PCDHB16: variants seen among roughly 807,000 people sequenced by gnomAD.
PCDHB16 encodes the protein protocadherin beta-16.
For synonymous variants in PCDHB16, 444 were observed against 436.5 expected, an observed-to-expected ratio of 1.02 and a Z score of -0.21; for missense variants, 1,026 against 989.9, an observed-to-expected ratio of 1.04 and a Z score of -0.49.
Position 141,184,231 on chromosome 5 carries a change from T to C in PCDHB16, c.1672T>C (p.Ser558Pro). 1 of 1,574,534 alleles carries C rather than the reference T, an allele frequency of 6.4e-7. No homozygotes were observed. The highest frequency in any genetic ancestry group is 1.5e-5 in the African/African-American group (1 of 68,420). The change falls in exon 1 of 1, where the codon TCG becomes CCG. Residue 558 changes from serine to proline, a missense_variant. Physicochemically the swap from Ser to Pro is moderately conservative, Grantham distance 74 (BLOSUM62 -1). Transcript: ENST00000609684. Reference protein sequence around the residue: ...RVLVLDANDNSPFVLYPLQNG... With the variant: ...RVLVLDANDNPPFVLYPLQNG... Reference sequence around the variant, plus strand: ...GCTGGTGCTGGACGCCAACGACAACTCGCCCTTCGTGCTGTACCCGCTGCA... The same window carrying C: ...GCTGGTGCTGGACGCCAACGACAACCCGCCCTTCGTGCTGTACCCGCTGCA...
chr5:141,184,781 G>T lies in PCDHB16; in HGVS notation c.2222G>T (p.Gly741Val). The T allele has an allele frequency of 6.2e-7, 1 of 1,614,228 alleles. No homozygotes were observed. Residue 741 changes from glycine to valine, a missense_variant, in exon 1 of 1, where the codon GGC becomes GTC. Physicochemically the swap from Gly to Val is moderately radical, Grantham distance 109. Transcript: ENST00000609684. Reference sequence around the variant, plus strand: ...CCAGGGCGTCTGGTGGACGTAAGCGGCACCGGGACCCTGTCCCAGAGCTAC... The same window carrying T: ...CCAGGGCGTCTGGTGGACGTAAGCGTCACCGGGACCCTGTCCCAGAGCTAC... ...PFPGRLVDVS[G>V]TGTLSQSYQY...
In PCDHB16 at chr5:141,183,816, C is replaced by T. The variant is rs868929612; in HGVS notation, c.1257C>T (p.Ile419=). 1.2e-6 allele frequency: 2 copies of T among 1,614,208 alleles called. No individual in the cohort carries two copies. Among genetic ancestry groups the T allele is most frequent in the Non-Finnish European group, 1.7e-6 (2 of 1,180,030 alleles). Residue 419 remains isoleucine, a synonymous_variant, in exon 1 of 1, where the codon ATC becomes ATT. Transcript: ENST00000609684. ...LDREARAEYN[I]TLTVTDMGTP... ...GAGAAGCAAGAGCTGAATATAATAT[C>T]ACCCTCACCGTCACAGATATGGGGA... is the stretch of plus-strand genomic sequence containing the variant.
At position 141,186,212 on chromosome 5, in the gene PCDHB16, G is replaced by T; in HGVS notation, c.*1322G>T. 1 of 990,422 alleles carries T rather than the reference G, an allele frequency of 1.0e-6. No homozygotes were observed. Among genetic ancestry groups the T allele is most frequent in the Non-Finnish European group, 1.2e-6 (1 of 821,532 alleles). 61.4% of individuals were successfully genotyped at this position (990,422 alleles called of 1,614,324 possible). ...ATTAGGCCTTTGAATAAAATTCTAT[G>T]TGAGTCAGATTTAATAATTTGTTTT... On this transcript the variant is annotated 3_prime_UTR_variant, in exon 1 of 1. Coordinates refer to ENST00000609684, the MANE Select transcript of PCDHB16 (RefSeq NM_020957.4).
rs373446466 is a variant in PCDHB16, at chr5:141,183,558, TCTC to T, written c.1002_1004del (p.Leu335del). ...GAGGTCTTTCAGGAAAGTGCACTCT[TCTC>T]CTGCAGGTGGTGGACGTGAATGACA... On this transcript the variant is annotated inframe_deletion, in exon 1 of 1. Transcript: ENST00000609684. The T allele has an allele frequency of 6.2e-4, 1,004 of 1,614,128 alleles. 9 individuals carry two copies. The African/African-American group carries it at 0.012, about 19-fold the overall frequency.
In PCDHB16 at chr5:141,183,135, T is replaced by A; in HGVS notation, c.576T>A (p.Pro192=). 1 of 1,613,846 alleles carries A rather than the reference T, an allele frequency of 6.2e-7. No individual in the cohort carries two copies. Among genetic ancestry groups the A allele is most frequent in the Non-Finnish European group, 8.5e-7 (1 of 1,179,696 alleles). The part of the protein sequence containing the change: ...IHEFRDGRKY[P]ELVLDKELDR... ...AATTCAGAGATGGCAGGAAATACCC[T>A]GAGCTAGTGTTGGATAAAGAGCTGG... The change falls in exon 1 of 1, where the codon CCT becomes CCA. Residue 192 remains proline, a synonymous_variant. Transcript: ENST00000609684.
In PCDHB16 at chr5:141,186,008, C is replaced by G. The variant is rs370855295; in HGVS notation, c.*1118C>G. On this transcript the variant is annotated 3_prime_UTR_variant, in exon 1 of 1. Transcript: ENST00000609684. ...GAGGTCCCTGTTATATTTTTAATGG[C>G]TAACAACTCAATCTCATTAAGTTGG... 1.0e-6 allele frequency: 1 copy of G among 976,244 alleles called. No individual in the cohort carries two copies. The highest frequency in any genetic ancestry group is 1.8e-5 in the African/African-American group (1 of 56,586). The allele number at this position is 976,244 out of a possible 1,614,324, so 60.5% of individuals were successfully genotyped here.
At position 141,184,729 on chromosome 5, in the gene PCDHB16, C is replaced by T. The variant is rs148547040; in HGVS notation, c.2170C>T (p.Arg724Cys). 333 of 1,613,990 alleles carry T rather than the reference C, an allele frequency of 2.1e-4. 1 individual carries two copies. The African/African-American group carries it at 4.2e-3, about 20-fold the overall frequency. ...CRRSRAASVG[R>C]CSMPEGPFPG... ...GAGGAGCAGGGCGGCCTCGGTGGGC[C>T]GCTGCTCGATGCCTGAGGGCCCCTT... The change falls in exon 1 of 1, where the codon CGC becomes TGC. Residue 724 changes from arginine (R) to cysteine (C), a missense_variant. Physicochemically the swap from Arg to Cys is radical, Grantham distance 180. Transcript: ENST00000609684.
In PCDHB16 at chr5:141,183,532, G is replaced by C. The variant is rs782361733; in HGVS notation, c.973G>C (p.Gly325Arg). 6.2e-7 allele frequency: 1 copy of C among 1,614,126 alleles called. No individual in the cohort carries two copies. The highest frequency in any genetic ancestry group is 1.3e-5 in the African/African-American group (1 of 74,940). The change falls in exon 1 of 1, where the codon GGA becomes CGA. Residue 325 changes from glycine (G) to arginine (R), a missense_variant. Coordinates refer to ENST00000609684, the MANE Select transcript of PCDHB16 (RefSeq NM_020957.4). Reference sequence around the variant, plus strand: ...AGTGCGCATCAAAGCCACAGATGGGGGAGGTCTTTCAGGAAAGTGCACTCT... The same window carrying C: ...AGTGCGCATCAAAGCCACAGATGGGCGAGGTCTTTCAGGAAAGTGCACTCT... ...YEVRIKATDG[G>R]GLSGKCTLLL... is the part of the protein sequence containing the mutation.
chr5:141,184,592 C>T lies in PCDHB16; in HGVS notation c.2033C>T (p.Pro678Leu). Reference protein sequence around the residue: ...QPFLPLPEAAPGQTQANSLTV... With the variant: ...QPFLPLPEAALGQTQANSLTV... ...TTCCTGCCGCTCCCAGAGGCGGCCCCCGGCCAGACCCAGGCCAACTCGCTC... is the reference window on the plus strand; with the variant it reads ...TTCCTGCCGCTCCCAGAGGCGGCCCTCGGCCAGACCCAGGCCAACTCGCTC... The change falls in exon 1 of 1, where the codon CCC becomes CTC. Residue 678 changes from proline to leucine, a missense_variant. By Grantham distance (98) the Pro-to-Leu change is moderately conservative. Coordinates refer to ENST00000609684, the MANE Select transcript of PCDHB16 (RefSeq NM_020957.4). 6.2e-7 allele frequency: 1 copy of T among 1,612,508 alleles called. No individual in the cohort carries two copies. Among genetic ancestry groups the T allele is most frequent in the African/African-American group, 1.3e-5 (1 of 75,044 alleles).
Position 141,183,900 on chromosome 5 carries a change from C to T in PCDHB16, c.1341C>T (p.Asn447=), listed in dbSNP as rs782720287. The T allele has an allele frequency of 3.7e-6, 6 of 1,614,016 alleles. No individual in the cohort carries two copies. The East Asian group carries it at 8.9e-5, about 24-fold the overall frequency. The change falls in exon 1 of 1, where the codon AAC becomes AAT. Residue 447 remains asparagine, a synonymous_variant. Coordinates refer to ENST00000609684, the MANE Select transcript of PCDHB16 (RefSeq NM_020957.4). ...TGCAGATATCAGATGTCAATGATAACGCCCCCACTTTCACCCAAACCTCCT... is the reference window on the plus strand; with the variant it reads ...TGCAGATATCAGATGTCAATGATAATGCCCCCACTTTCACCCAAACCTCCT... The part of the protein sequence containing the change: ...ITVQISDVND[N]APTFTQTSYT...
Position 141,184,314 on chromosome 5 carries a change from G to A in PCDHB16, c.1755G>A (p.Leu585=). Residue 585 remains leucine (L), a synonymous_variant, in exon 1 of 1, where the codon CTG becomes CTA. Coordinates refer to ENST00000609684, the MANE Select transcript of PCDHB16 (RefSeq NM_020957.4). ...CCCGGGCGGCCGAGCCGGGCTACCTGGTGACCAAGGTGGTGGCGGTGGACG... is the reference window on the plus strand; with the variant it reads ...CCCGGGCGGCCGAGCCGGGCTACCTAGTGACCAAGGTGGTGGCGGTGGACG... The part of the protein sequence containing the change: ...LVPRAAEPGY[L]VTKVVAVDGD... The A allele has an allele frequency of 1.9e-6, 3 of 1,600,464 alleles. No homozygotes were observed. The highest frequency in any genetic ancestry group is 2.6e-6 in the Non-Finnish European group (3 of 1,175,848).
Position 141,183,497 on chromosome 5 carries a change from C to T in PCDHB16, c.938C>T (p.Thr313Met), listed in dbSNP as rs368033866. ...LRKQVDFEMV[T>M]SYEVRIKATD... ...AAGCAAGTAGATTTCGAAATGGTTACGTCTTATGAAGTGCGCATCAAAGCC... is the reference window on the plus strand; with the variant it reads ...AAGCAAGTAGATTTCGAAATGGTTATGTCTTATGAAGTGCGCATCAAAGCC... The change falls in exon 1 of 1, where the codon ACG becomes ATG. Residue 313 changes from threonine to methionine, a missense_variant. Physicochemically the swap from Thr to Met is moderately conservative, Grantham distance 81. Transcript: ENST00000609684. 1 of 1,614,192 alleles carries T rather than the reference C, an allele frequency of 6.2e-7. No homozygotes were observed.
chr5:141,183,414 G>T lies in PCDHB16; in HGVS notation c.855G>T (p.Ser285=). 5.0e-6 allele frequency: 8 copies of T among 1,614,138 alleles called. No individual in the cohort carries two copies. Among genetic ancestry groups the T allele is most frequent in the Non-Finnish European group, 6.8e-6 (8 of 1,180,032 alleles). The change falls in exon 1 of 1, where the codon TCG becomes TCT. Residue 285 remains serine (S), a synonymous_variant. Coordinates refer to ENST00000609684, the MANE Select transcript of PCDHB16 (RefSeq NM_020957.4). ...GKISYTLFQP[S]EDISKTLEVN... ...TATCATACACACTCTTTCAGCCTTC[G>T]GAGGATATTAGTAAAACTTTGGAGG...
Position 141,184,480 on chromosome 5 carries a change from G to A in PCDHB16, c.1921G>A (p.Val641Met), listed in dbSNP as rs367607640. 4 of 1,608,878 alleles carry A rather than the reference G, an allele frequency of 2.5e-6. No individual in the cohort carries two copies. Among genetic ancestry groups the A allele is most frequent in the African/African-American group, 2.7e-5 (2 of 74,856 alleles). Residue 641 changes from valine to methionine, a missense_variant, in exon 1 of 1, where the codon GTG becomes ATG. Coordinates refer to ENST00000609684, the MANE Select transcript of PCDHB16 (RefSeq NM_020957.4). ...GCGCGACGCAGCCAAGCAGAGGCTG[G>A]TGGTGCTGGTCAAGGACAATGGCGA... The part of the protein sequence containing the change: ...SERDAAKQRL[V>M]VLVKDNGEPP...
At position 141,185,709 on chromosome 5, in the gene PCDHB16, T is replaced by C. The variant is rs551878887; in HGVS notation, c.*819T>C. ...TAAGCCAATGTGCCCATCCAAAGTT[T>C]TATTTATTTATTTTTTTGAGATGGA... On this transcript the variant is annotated 3_prime_UTR_variant, in exon 1 of 1. Transcript: ENST00000609684. 1 of 997,360 alleles carries C rather than the reference T, an allele frequency of 1.0e-6. No individual in the cohort carries two copies. The highest frequency in any genetic ancestry group is 6.1e-5 in the Admixed American group (1 of 16,286). The allele number at this position is 997,360 out of a possible 1,614,324, so 61.8% of individuals were successfully genotyped here.
In PCDHB16 at chr5:141,183,344, C is replaced by T. The variant is rs1753615291; in HGVS notation, c.785C>T (p.Ala262Val). The change falls in exon 1 of 1, where the codon GCC becomes GTC. Residue 262 changes from alanine to valine, a missense_variant. Physicochemically the swap from Ala to Val is moderately conservative, Grantham distance 64 (BLOSUM62 0). Transcript: ENST00000609684. Reference protein sequence around the residue: ...PENSPLGSLVATVSARDLDGG... With the variant: ...PENSPLGSLVVTVSARDLDGG... ...AACAGTCCTCTTGGCTCCCTGGTTGCCACCGTCTCCGCCAGGGATTTAGAC... is the reference window on the plus strand; with the variant it reads ...AACAGTCCTCTTGGCTCCCTGGTTGTCACCGTCTCCGCCAGGGATTTAGAC... 8.1e-6 allele frequency: 13 copies of T among 1,614,210 alleles called. No individual in the cohort carries two copies.
chr5:141,182,599 G>C lies in PCDHB16; in HGVS notation c.40G>C (p.Val14Leu). Residue 14 changes from valine to leucine, a missense_variant, in exon 1 of 1, where the codon GTC becomes CTC. By Grantham distance (32) the Val-to-Leu change is conservative. Transcript: ENST00000609684. The part of the protein sequence containing the change: ...GWMHNRRQRQ[V>L]LVFFVLLSLS... ...GATGCACAATCGGAGACAAAGGCAA[G>C]TCCTTGTTTTCTTTGTTTTGCTGAG... 6.5e-7 allele frequency: 1 copy of C among 1,536,230 alleles called. No individual in the cohort carries two copies. Among genetic ancestry groups the C allele is most frequent in the Non-Finnish European group, 8.7e-7 (1 of 1,144,722 alleles).
Position 141,184,600 on chromosome 5 carries a change from A to G in PCDHB16, c.2041A>G (p.Thr681Ala), listed in dbSNP as rs781936394. 15 of 1,612,578 alleles carry G rather than the reference A, an allele frequency of 9.3e-6. No homozygotes were observed. The highest frequency in any genetic ancestry group is 1.3e-5 in the African/African-American group (1 of 75,018). Residue 681 changes from threonine (T) to alanine (A), a missense_variant, in exon 1 of 1, where the codon ACC becomes GCC. Transcript: ENST00000609684. Reference sequence around the variant, plus strand: ...GCTCCCAGAGGCGGCCCCCGGCCAGACCCAGGCCAACTCGCTCACTGTCTA... The same window carrying G: ...GCTCCCAGAGGCGGCCCCCGGCCAGGCCCAGGCCAACTCGCTCACTGTCTA... ...LPLPEAAPGQ[T>A]QANSLTVYLV...
Position 141,185,407 on chromosome 5 carries a change from CTT to C in PCDHB16, c.*529_*530del, listed in dbSNP as rs200523691. On this transcript the variant is annotated 3_prime_UTR_variant, in exon 1 of 1. Transcript: ENST00000609684. ...TTTCTTTCTTTCTTTTCTTTTCTTT[CTT>C]TTTTTTTTTTTCCTTTTTGAGACAG... 2,483 of 614,946 alleles carry C rather than the reference CTT, an allele frequency of 4.0e-3. No homozygotes were observed. Among genetic ancestry groups the C allele is most frequent in the Middle Eastern group, 6.7e-3 (8 of 1,196 alleles). The allele number at this position is 614,946 out of a possible 1,614,324, so 38.1% of individuals were successfully genotyped here.
Sources: allele counts gnomAD v4.1 joint callset, GRCh38; gene constraint gnomAD v4.1.1; transcripts MANE v1.5; gene names NCBI Gene and HGNC (gene_info 2026-07-23, HGNC 2026-07-21).